The following DAB2IP variants were observed in gnomAD, a reference collection of about 807,000 sequenced individuals.
DAB2IP encodes the protein disabled homolog 2-interacting protein.
DAB2IP carries 28 observed loss-of-function variants against 107.2 expected under a neutral mutation model. The ratio of observed to expected loss-of-function variants is 0.26; its 90% CI spans 0.19 to 0.36. The LOEUF is 0.36. Ranked by LOEUF, DAB2IP falls within the 10% of genes least tolerant of loss-of-function variation. The probability of loss-of-function intolerance (pLI) is 1.00; values close to 1 mark genes in which losing one functional copy is unlikely to be tolerated. For synonymous variants in DAB2IP, 755 were observed against 706.4 expected (o/e 1.07, Z -1.09); for missense variants, 1,400 against 1,644.7 (o/e 0.85, Z 2.57).
intron 6 of DAB2IP, among the ~76,000 whole-genome samples, chr9:121,761,893 T>G (rs1833922314): frequency 6.6e-6 from 1 of 151,926 alleles, no homozygotes; most frequent in Non-Finnish European, 1.5e-5. Context: ...TGTCTGATGT[T>G]TCAGTACCTG....
At chr9:121,657,723 C>T (rs1225493028) in intron 1 of DAB2IP, among the ~76,000 whole-genome samples, 2 of 152,224 alleles carry the variant, frequency 1.3e-5, no homozygotes, top group Non-Finnish European at 2.9e-5. Context: ...GGGCATGCTC[C>T]TCATCTCAGC....
At chr9:121,571,474 A>C (rs1179613691) in intron 1 of DAB2IP, among the ~76,000 whole-genome samples, 2 of 152,118 alleles carry the variant, frequency 1.3e-5, no homozygotes, top group Non-Finnish European at 2.9e-5. Context: ...ATTCTCTGAT[A>C]CTTACAATCT....
intron 10 of DAB2IP, among the ~76,000 whole-genome samples, chr9:121,769,197 G>A (rs1252329873): frequency 2.0e-5 from 3 of 152,146 alleles, no homozygotes; most frequent in Admixed American, 6.5e-5. Flanking sequence ...ACTACTTCCC[G>A]AATATCTGTT....
intron 1 of DAB2IP, among the ~76,000 whole-genome samples, chr9:121,582,046 C>T (rs999738136): frequency 3.3e-5 from 5 of 152,076 alleles, no homozygotes; most frequent in African/African-American, 9.7e-5. Context: ...GGTTGGGGGC[C>T]GTGGGGGGAA....
chr9:121,583,812 A>C (rs1470095214), intron 1 of DAB2IP, among the ~76,000 whole-genome samples: 1 of 152,178 alleles, frequency 6.6e-6, no homozygotes, highest in African/African-American at 2.4e-5. Flanking sequence ...AGAAGCTCAG[A>C]AGTTGGCGTG....
chr9:121,661,471 C>G (rs1369506853), intron 1 of DAB2IP, among the ~76,000 whole-genome samples: 2 of 152,064 alleles, frequency 1.3e-5, no homozygotes, highest in Non-Finnish European at 2.9e-5. Context: ...GGACCCTGAG[C>G]TTCAGGGAAC....
rs748936874 is a variant in DAB2IP at position 121,776,305 on chromosome 9, G to T, written c.3228G>T (p.Glu1076Asp). 2.5e-6 allele frequency: 4 copies of T among 1,571,886 alleles called. No individual in the cohort carries two copies. The Admixed American group carries it at 5.7e-5, about 22-fold the overall frequency. ...AGACGACGCAGAAGCTGGTGCTGGA[G>T]TACCAGGCACGGCTGGAGGAGGGCG... Residue 1076 changes from glutamate to aspartate, a missense_variant, in exon 14 of 16, where the codon GAG becomes GAT. Physicochemically the swap from Glu to Asp is conservative, Grantham distance 45. Around this residue, in one of 3 missense-constraint regions of DAB2IP, gnomAD observed 600 missense variants for 659.1 expected, o/e 0.91. Coordinates refer to ENST00000408936, the Ensembl canonical transcript of DAB2IP. This position sits in a 1 kb window ranked among gnomAD's most constrained non-coding sequence, Gnocchi z 5.4.
intron 1 of DAB2IP, among the ~76,000 whole-genome samples, chr9:121,641,995 T>TTCTCTCTCTCTCTCTCTCTC (rs71370683): frequency 4.0e-4 from 14 of 34,978 alleles, no homozygotes; most frequent in East Asian, 1.9e-3. Context: ...TTTCTTTCCT[T>TTCTCTCTCTCTCTCTCTCTC]TCTCTCTCTC....
chr9:121,571,381 G>A (rs961039317), intron 1 of DAB2IP, among the ~76,000 whole-genome samples: 3 of 152,128 alleles, frequency 2.0e-5, no homozygotes, highest in Admixed American at 6.5e-5. Flanking sequence ...TGCAGTTGGT[G>A]CAGGCAAAAA....
chr9:121,766,002 A>G lies in DAB2IP; in HGVS notation c.1461-492A>G, dbSNP rs191150706. 6.7e-4 allele frequency among the ~76,000 whole-genome samples: 102 copies of G among 152,328 alleles called. 2 individuals are homozygous for G. In the East Asian group the frequency reaches 0.015, roughly 23 times the overall value. Reference sequence around the variant, plus strand: ...CTGTGACATTATTCAAGCAAAGGAAATTAGTCTCAAAGCCAGTGATGGGAA... The same window carrying G: ...CTGTGACATTATTCAAGCAAAGGAAGTTAGTCTCAAAGCCAGTGATGGGAA... On this transcript the variant is annotated intron_variant, in intron 8 of 15. Coordinates refer to ENST00000408936, the Ensembl canonical transcript of DAB2IP.
chr9:121,712,012 A>G (rs562441279), intron 3 of DAB2IP, among the ~76,000 whole-genome samples: 1 of 152,350 alleles, frequency 6.6e-6, no homozygotes, highest in South Asian at 2.1e-4. Context: ...ATAATTAATA[A>G]AGCTCTGTCC....
intron 3 of DAB2IP, among the ~76,000 whole-genome samples, chr9:121,719,982 A>G (rs1328661524): frequency 3.3e-5 from 5 of 152,212 alleles, no homozygotes; most frequent in Admixed American, 2.6e-4. Context: ...GGTCCTAGGC[A>G]TGTGTCCAGG....
rs902066043 is a variant in DAB2IP at position 121,684,273 on chromosome 9, A to G, written c.228+5492A>G. 1.1e-4 allele frequency among the ~76,000 whole-genome samples: 16 copies of G among 152,260 alleles called. No homozygotes were observed. The highest frequency in any genetic ancestry group is 3.9e-4 in the African/African-American group (16 of 41,540). On this transcript the variant is annotated intron_variant, in intron 2 of 15. Transcript: ENST00000408936. This position sits in a 1 kb window ranked among gnomAD's most constrained non-coding sequence, Gnocchi z 4.0. ...CTATACAGAGGAGGGACTGAGAATC[A>G]TAGACGGGAGGGTCCTTTCCTGAGG...
In DAB2IP at chr9:121,619,484, G is replaced by C. The variant is rs538659447; in HGVS notation, c.40+52256G>C. Among the ~76,000 whole-genome samples, 106 of 152,290 alleles carry C rather than the reference G, an allele frequency of 7.0e-4. 1 individual carries two copies. The highest frequency in any genetic ancestry group is 9.3e-4 in the Non-Finnish European group (63 of 68,032). On this transcript the variant is annotated intron_variant, in intron 1 of 16. Coordinates refer to the DAB2IP transcript ENST00000259371. ...AACTGTGACAAGAGTGAGCTGCATGGCCCCTGCCTGCGCTAACGGTGTCAA... is the reference window on the plus strand; with the variant it reads ...AACTGTGACAAGAGTGAGCTGCATGCCCCCTGCCTGCGCTAACGGTGTCAA...
rs541795664 is a variant in DAB2IP at position 121,745,618 on chromosome 9, T to A, written c.363-11395T>A. ...TGGCTGTGCTGGTGGCTGGATCAAC[T>A]CTGCCCAGGATTGGGGCGGGGCGGG... On this transcript the variant is annotated intron_variant, in intron 3 of 15. Coordinates refer to ENST00000408936, the Ensembl canonical transcript of DAB2IP. Among the ~76,000 whole-genome samples the A allele has an allele frequency of 5.5e-5, 7 of 126,530 alleles. No homozygotes were observed. In the East Asian group the frequency reaches 1.7e-3, roughly 31 times the overall value. 83.0% of individuals were successfully genotyped at this position (126,530 alleles called of 152,430 possible). A position where few individuals can be genotyped will look rare whatever the true frequency, so the allele number is the denominator to read the frequency against.
chr9:121,697,228 A>C (rs1454599197), intron 2 of DAB2IP, among the ~76,000 whole-genome samples: 1 of 152,274 alleles, frequency 6.6e-6, no homozygotes, highest in African/African-American at 2.4e-5. Context: ...GGATAAAGCC[A>C]TCAATATTGC....
At chr9:121,679,413 T>TACACACACACACAC (rs3138857) in intron 2 of DAB2IP, among the ~76,000 whole-genome samples, 1,538 of 135,574 alleles carry the variant, frequency 0.011, 35 homozygotes, top group African/African-American at 0.04. Context: ...TTTGTGCATG[T>TACACACACACACAC]ACACACACAC....
At chr9:121,678,321 C>T (rs1465101253) in intron 1 of DAB2IP, among the ~76,000 whole-genome samples, 1 of 152,244 alleles carries the variant, frequency 6.6e-6, no homozygotes, top group Non-Finnish European at 1.5e-5. Context: ...ATCAGAACTT[C>T]ATTCCTTTTT....
rs1364329041 is a variant in DAB2IP at position 121,711,017 on chromosome 9, T to C, written c.362+11559T>C. 5.3e-5 allele frequency among the ~76,000 whole-genome samples: 8 copies of C among 152,282 alleles called. No homozygotes were observed. The East Asian group carries it at 1.5e-3, about 29-fold the overall frequency. On this transcript the variant is annotated intron_variant, in intron 3 of 15. Transcript: ENST00000408936. ...ATCATAAAGTCCACGAATTTGATGG[T>C]TGTTTATGAGGATAGTGAAAACCTA...
Sources: allele counts gnomAD v4.1 joint callset (sites outside exome capture counted in the v4.1 genomes callset), GRCh38; gene constraint gnomAD v4.1.1; regional missense constraint gnomAD v4.1.1; non-coding constraint Gnocchi (gnomAD v3.1); transcripts MANE v1.5; gene names NCBI Gene and HGNC (gene_info 2026-07-23, HGNC 2026-07-21).